The following HCFC2 variants were observed in gnomAD, a reference collection of about 807,000 sequenced individuals.
HCFC2 encodes host cell factor 2.
A neutral mutation model predicts 89.2 loss-of-function variants in HCFC2; 18 were observed. The observed-to-expected ratio is 0.20, with a 90% CI of 0.14 to 0.30. The LOEUF (loss-of-function observed/expected upper bound fraction) is 0.30, where lower values mean the gene tolerates loss of function less well. Ranked by LOEUF, HCFC2 falls within the 10% of genes least tolerant of loss-of-function variation. The pLI is 1.00. For missense variants in HCFC2, 578 were observed against 956.1 expected (o/e 0.60, Z 5.21); for synonymous variants, 308 against 335.7 (o/e 0.92, Z 0.90).
chr12:104,071,508 A>G (rs1409840119), intron 3 of HCFC2, among the ~76,000 whole-genome samples: 2 of 152,248 alleles, frequency 1.3e-5, no homozygotes, highest in African/African-American at 2.4e-5. Context: ...TGGTCTAAGG[A>G]TATATACTGT....
chr12:104,089,077 A>G (rs1026482301), intron 9 of HCFC2, among the ~76,000 whole-genome samples: 3 of 152,188 alleles, frequency 2.0e-5, no homozygotes, highest in African/African-American at 7.2e-5. Flanking sequence ...CAAGTCTCAC[A>G]GTTGGCCCTG....
chr12:104,075,289 T>C (rs559505145), intron 3 of HCFC2, among the ~76,000 whole-genome samples: 5 of 152,214 alleles, frequency 3.3e-5, no homozygotes, highest in African/African-American at 1.2e-4. Context: ...TATATCTCAT[T>C]TCTTATTCCT....
chr12:104,090,446 C>T (rs1019799381), intron 9 of HCFC2, among the ~76,000 whole-genome samples: 7 of 151,868 alleles, frequency 4.6e-5, no homozygotes, highest in South Asian at 2.1e-4. Context: ...TCCCATTGTT[C>T]GGGAAACTCA....
rs1884176869 is a variant in HCFC2, at chr12:104,096,350, T to C, written c.1667-10T>C. The stretch of plus-strand genomic sequence containing the variant: ...TGTAAATCTTATCTGATAAATTGTT[T>C]AATTTTTAGTTGATGAAACATATGC... On this transcript the variant is annotated splice_polypyrimidine_tract_variant and intron_variant, in intron 11 of 14. Transcript: ENST00000229330. The C allele has an allele frequency of 6.3e-7, 1 of 1,576,742 alleles. No homozygotes were observed. The highest frequency in any genetic ancestry group is 1.3e-5 in the African/African-American group (1 of 74,608).
At chr12:104,087,803 A>AGG (rs1883913169) in intron 8 of HCFC2, among the ~76,000 whole-genome samples, 183 bp from the exon 9 acceptor site, 1 of 152,212 alleles carries the variant, frequency 6.6e-6, no homozygotes, top group Non-Finnish European at 1.5e-5. Flanking sequence ...AAAAGCAAAC[A>AGG]CAAATTTTGC....
chr12:104,093,827 A>C (rs563975973), intron 10 of HCFC2, among the ~76,000 whole-genome samples: 52 of 152,016 alleles, frequency 3.4e-4, no homozygotes, highest in African/African-American at 1.0e-3. Flanking sequence ...ACTATAGTAG[A>C]AAATGATTAG....
Position 104,103,294 on chromosome 12 carries a change from T to C in HCFC2, c.*21T>C, listed in dbSNP as rs1412379006. 1.9e-6 allele frequency: 3 copies of C among 1,567,310 alleles called. No homozygotes were observed. The East Asian group carries it at 6.8e-5, about 35-fold the overall frequency. Reference sequence around the variant, plus strand: ...ATTGAATTGGTTTTTTTACTGAAGCTATTGTGATGATGATTATTTATTAGT... The same window carrying C: ...ATTGAATTGGTTTTTTTACTGAAGCCATTGTGATGATGATTATTTATTAGT... On this transcript the variant is annotated 3_prime_UTR_variant, in exon 15 of 15. Transcript: ENST00000229330.
intron 10 of HCFC2, among the ~76,000 whole-genome samples, chr12:104,094,289 A>G (rs997713692): frequency 6.6e-6 from 1 of 152,188 alleles, no homozygotes; most frequent in African/African-American, 2.4e-5. Flanking sequence ...TCTCCAAAAG[A>G]GCAAGGATCT....
intron 2 of HCFC2, 93 bp from the exon 3 acceptor site, chr12:104,067,854 A>G (rs1883196812): frequency 2.5e-6 from 3 of 1,201,692 alleles, no homozygotes; most frequent in East Asian, 5.6e-5. Context: ...TGGGATTTAG[A>G]TTAAAATGTA....
At chr12:104,083,323 C>T (rs947327466) in intron 7 of HCFC2, among the ~76,000 whole-genome samples, 13 of 152,078 alleles carry the variant, frequency 8.5e-5, no homozygotes, top group African/African-American at 2.4e-4. Context: ...CTCAGCCTAA[C>T]TATGAGAAAA....
intron 3 of HCFC2, among the ~76,000 whole-genome samples, chr12:104,073,603 C>A (rs1883407032): frequency 6.6e-6 from 1 of 152,100 alleles, no homozygotes; most frequent in Admixed American, 6.5e-5. Context: ...TCTATATTTT[C>A]TTCTAGTTCA....
chr12:104,088,184 C>A (rs973446253), intron 9 of HCFC2, 146 bp downstream of exon 9: 5 of 413,870 alleles, frequency 1.2e-5, no homozygotes, highest in African/African-American at 2.1e-5. Flanking sequence ...AACAAACAAA[C>A]AAACACAGAT....
chr12:104,071,245 C>A (rs1015068699), intron 3 of HCFC2, among the ~76,000 whole-genome samples: 3 of 152,240 alleles, frequency 2.0e-5, no homozygotes, highest in African/African-American at 7.2e-5. Flanking sequence ...GGCAAATACA[C>A]ATAATTCAGT....
At position 104,064,949 on chromosome 12, in the gene HCFC2, C is replaced by A. The variant is rs1439106877; in HGVS notation, c.163+226C>A. On this transcript the variant is annotated intron_variant, in intron 1 of 14. Coordinates refer to ENST00000229330, the MANE Select transcript of HCFC2 (RefSeq NM_013320.3). This position sits in a 1 kb window ranked among gnomAD's most constrained non-coding sequence, Gnocchi z 7.3. The stretch of plus-strand genomic sequence containing the variant: ...GGGGCGCAACGGACCCCGAGCGGGG[C>A]GCACCGGCCTTCAGGCGGGGGATCC... The A allele has an allele frequency of 7.5e-6, 3 of 397,928 alleles. No individual in the cohort carries two copies. The highest frequency in any genetic ancestry group is 4.2e-5 in the African/African-American group (2 of 47,578). The allele number at this position is 397,928 out of a possible 1,614,324, so 24.6% of individuals were successfully genotyped here.
intron 3 of HCFC2, among the ~76,000 whole-genome samples, chr12:104,074,209 G>GCT (rs1316177933): frequency 3.3e-5 from 5 of 152,170 alleles, no homozygotes; most frequent in Non-Finnish European, 7.4e-5. Context: ...CATGATCACA[G>GCT]CTCTCTGCAC....
chr12:104,077,729 C>T (rs1566228140), intron 3 of HCFC2, among the ~76,000 whole-genome samples: 2 of 151,866 alleles, frequency 1.3e-5, no homozygotes, highest in African/African-American at 4.8e-5. Flanking sequence ...GAAATTAACA[C>T]ATGTTTACAA....
chr12:104,098,526 G>A lies in HCFC2; in HGVS notation c.1878+46G>A, dbSNP rs780387723. ...TACATTGTAAATTATAAGCCTCAAG[G>A]ATGAGATTTTTCTCTACCAATAACT... On this transcript the variant is annotated intron_variant, in intron 13 of 14. Transcript: ENST00000229330. 2.6e-6 allele frequency: 4 copies of A among 1,511,122 alleles called. No homozygotes were observed. In the African/African-American group the frequency reaches 4.2e-5, roughly 16 times the overall value. 93.6% of individuals were successfully genotyped at this position (1,511,122 alleles called of 1,614,324 possible). A position where few individuals can be genotyped will look rare whatever the true frequency, so the allele number is the denominator to read the frequency against.
chr12:104,066,140 C>A (rs372744184), intron 1 of HCFC2, 27 bp from the exon 2 acceptor site: 1 of 1,606,542 alleles, frequency 6.2e-7, no homozygotes, highest in Admixed American at 1.7e-5. Context: ...TTGTTATAAT[C>A]GGTTTTCATT....
rs545841726 is a variant in HCFC2, at chr12:104,094,214, T to G, written c.1462+651T>G. 9.7e-4 allele frequency among the ~76,000 whole-genome samples: 147 copies of G among 152,310 alleles called. 5 individuals carry two copies. In the South Asian group the frequency reaches 0.029, roughly 30 times the overall value. On this transcript the variant is annotated intron_variant, in intron 10 of 14. Transcript: ENST00000229330. ...TAATGGGCAGTCGGATACTTAGGCC[T>G]GGAGTCTAGAAGGCAGTACTAGGCT...
Sources: gnomAD v4.1 joint callset for allele counts (sites outside exome capture counted in the v4.1 genomes callset) on GRCh38, gnomAD v4.1.1 for gene constraint, Gnocchi (gnomAD v3.1) non-coding constraint, MANE v1.5 for transcripts, NCBI Gene and HGNC (gene_info 2026-07-23, HGNC 2026-07-21) for gene names.